The following TRPM3 variants were observed in gnomAD, a reference collection of about 807,000 sequenced individuals.
TRPM3 encodes transient receptor potential cation channel subfamily M member 3.
In TRPM3, 77 loss-of-function variants were observed where a neutral mutation model predicts 181.2. The ratio of observed to expected loss-of-function variants is 0.42; its 90% CI spans 0.35 to 0.51. The LOEUF is 0.51. TRPM3 is among the 20% of genes least tolerant of loss of function. The pLI is 0.01. For synonymous variants in TRPM3, 745 were observed against 796.4 expected (o/e 0.94, Z 1.09); for missense variants, 1,759 against 2,196.7 (o/e 0.80, Z 3.98).
intron 21 of TRPM3, among the ~76,000 whole-genome samples, chr9:70,596,239 A>T (rs1165875387): frequency 1.3e-5 from 2 of 152,166 alleles, no homozygotes; most frequent in African/African-American, 4.8e-5. Context: ...GGTTTAAATA[A>T]ATTGCTCAAT....
At chr9:70,747,643 T>G (rs1459455656) in intron 8 of TRPM3, among the ~76,000 whole-genome samples, 1 of 151,976 alleles carries the variant, frequency 6.6e-6, no homozygotes, top group Non-Finnish European at 1.5e-5. Context: ...CTGAGAATGA[T>G]TTTTACATTT....
chr9:71,062,613 T>C (rs1242635219), intron 1 of TRPM3, among the ~76,000 whole-genome samples: 1 of 152,144 alleles, frequency 6.6e-6, no homozygotes, highest in African/African-American at 2.4e-5. Context: ...ATGAATTTAA[T>C]GTATCCCACA....
chr9:71,042,446 C>CG (rs1211079396), intron 1 of TRPM3, among the ~76,000 whole-genome samples: 1 of 152,118 alleles, frequency 6.6e-6, no homozygotes, highest in Non-Finnish European at 1.5e-5. Flanking sequence ...ACATGAAGAA[C>CG]GGAATGTATC....
At chr9:70,955,577 A>C (rs72731708) in intron 1 of TRPM3, among the ~76,000 whole-genome samples, 6,738 of 152,252 alleles carry the variant, frequency 0.044, 184 homozygotes, top group African/African-American at 0.076. Context: ...TGAGACCCAG[A>C]TATTTAAGTG....
At chr9:70,672,268 T>C (rs1179156027) in intron 9 of TRPM3, among the ~76,000 whole-genome samples, 4 of 152,124 alleles carry the variant, frequency 2.6e-5, no homozygotes, top group African/African-American at 7.2e-5. Context: ...GATGAGCAAA[T>C]TCAAGTACTC....
At chr9:70,586,653 C>T (rs954131351) in intron 22 of TRPM3, among the ~76,000 whole-genome samples, 11 of 152,230 alleles carry the variant, frequency 7.2e-5, no homozygotes, top group East Asian at 1.9e-4. Context: ...ACACTCCCCA[C>T]GCTATAGCTG....
chr9:71,030,427 T>C (rs554057651), intron 1 of TRPM3, among the ~76,000 whole-genome samples: 9 of 152,076 alleles, frequency 5.9e-5, no homozygotes, highest in African/African-American at 2.2e-4. Context: ...TAGCTAAGCA[T>C]GGTGGCTGAT....
rs554276393 is a variant in TRPM3, at chr9:70,538,133, C to T, written c.3708-728G>A. ...AGAATTTAACCAAGATTGCATAAAG[C>T]AATTTGTTGTAAACATTGGAGTATC... On this transcript the variant is annotated intron_variant, in intron 25 of 25. Transcript: ENST00000677713. 5.9e-5 allele frequency among the ~76,000 whole-genome samples: 9 copies of T among 152,264 alleles called. No homozygotes were observed. The East Asian group carries it at 1.7e-3, about 29-fold the overall frequency.
intron 1 of TRPM3, among the ~76,000 whole-genome samples, chr9:71,160,465 G>A (rs1019896150): frequency 6.6e-6 from 1 of 152,090 alleles, no homozygotes; most frequent in Non-Finnish European, 1.5e-5. Flanking sequence ...ATGCCATATA[G>A]AGTATTTCCT....
At chr9:71,195,406 T>A (rs2078286192) in intron 1 of TRPM3, among the ~76,000 whole-genome samples, 1 of 151,946 alleles carries the variant, frequency 6.6e-6, no homozygotes, top group South Asian at 2.1e-4. Flanking sequence ...AATATCACTG[T>A]AAGATAGCAT....
intron 7 of TRPM3, among the ~76,000 whole-genome samples, chr9:70,772,963 T>C (rs545569825): frequency 2.0e-5 from 3 of 152,030 alleles, no homozygotes; most frequent in African/African-American, 4.8e-5. Flanking sequence ...ATTTTTTTTA[T>C]TGTTTTAGGA....
At chr9:71,207,604 C>T (rs894184286) in intron 1 of TRPM3, among the ~76,000 whole-genome samples, 2 of 152,112 alleles carry the variant, frequency 1.3e-5, no homozygotes, top group Non-Finnish European at 2.9e-5. Flanking sequence ...GTTAATTCAT[C>T]AGTGGGAAAT....
At chr9:70,578,868 G>A (rs978287067) in intron 22 of TRPM3, among the ~76,000 whole-genome samples, 3 of 152,204 alleles carry the variant, frequency 2.0e-5, no homozygotes, top group African/African-American at 7.2e-5. Context: ...AAGATGTCCT[G>A]TGCATCAGGG....
At chr9:71,050,242 G>A (rs1262354060) in intron 1 of TRPM3, among the ~76,000 whole-genome samples, 2 of 152,160 alleles carry the variant, frequency 1.3e-5, no homozygotes, top group Non-Finnish European at 2.9e-5. Context: ...TGCTGGGGAT[G>A]GAGGAGACTC....
At chr9:71,373,197 A>G (rs563871546) in intron 1 of TRPM3, among the ~76,000 whole-genome samples, 3 of 152,254 alleles carry the variant, frequency 2.0e-5, no homozygotes, top group Admixed American at 2.0e-4. Flanking sequence ...ACAATCTAAC[A>G]TCTCAACTAA....
intron 19 of TRPM3, among the ~76,000 whole-genome samples, chr9:70,608,809 C>T (rs570306559): frequency 6.6e-5 from 10 of 152,092 alleles, no homozygotes; most frequent in Non-Finnish European, 1.5e-4. Flanking sequence ...CACTGCACTC[C>T]AGCCTAGGTG....
At chr9:71,059,388 G>C (rs2061048080) in intron 1 of TRPM3, among the ~76,000 whole-genome samples, 1 of 151,894 alleles carries the variant, frequency 6.6e-6, no homozygotes, top group African/African-American at 2.4e-5. Context: ...ATTCAAACTA[G>C]TTTCTAGACC....
intron 1 of TRPM3, among the ~76,000 whole-genome samples, chr9:71,207,639 T>A (rs2079205706): frequency 6.6e-6 from 1 of 152,156 alleles, no homozygotes; most frequent in Non-Finnish European, 1.5e-5. Context: ...TATAGTACTA[T>A]AAATTCTCCA....
At chr9:71,305,978 T>C (rs1284522522) in intron 1 of TRPM3, among the ~76,000 whole-genome samples, 1 of 152,182 alleles carries the variant, frequency 6.6e-6, no homozygotes, top group Non-Finnish European at 1.5e-5. Flanking sequence ...GGGTGCTTTG[T>C]TGTACACACT....
Sources: gnomAD v4.1 joint callset for allele counts (sites outside exome capture counted in the v4.1 genomes callset) on GRCh38, gnomAD v4.1.1 for gene constraint, MANE v1.5 for transcripts, NCBI Gene and HGNC (gene_info 2026-07-23, HGNC 2026-07-21) for gene names.